Variants in CPNE4 observed in about 807,000 individuals in gnomAD.
CPNE4 encodes copine 4, also known as copine-4.
Under a neutral mutation model 67.9 loss-of-function variants are expected in CPNE4, and 25 were observed. The observed-to-expected ratio is 0.37, with a 90% confidence interval of 0.27 to 0.51. CPNE4 has a LOEUF of 0.51. CPNE4 is among the 20% of genes least tolerant of loss of function. The pLI, the probability that CPNE4 is intolerant of heterozygous loss-of-function variation, is 0.93. For missense variants in CPNE4, 464 were observed against 690.8 expected (o/e 0.67, Z 3.68); for synonymous variants, 242 against 244.9 (o/e 0.99, Z 0.11).
intron 7 of CPNE4, among the ~76,000 whole-genome samples, chr3:131,604,520 A>C (rs1682178758): frequency 6.6e-6 from 1 of 152,118 alleles, no homozygotes; most frequent in African/African-American, 2.4e-5. Context: ...ACCCACCCTT[A>C]GTCTGGGTGG....
intron 2 of CPNE4, among the ~76,000 whole-genome samples, chr3:131,872,222 A>T (rs921061644): frequency 2.0e-5 from 3 of 152,080 alleles, no homozygotes; most frequent in African/African-American, 7.2e-5. Flanking sequence ...ACAGAGAGAA[A>T]GAAGGAGAGA....
At chr3:131,687,737 A>G (rs1296127374) in intron 5 of CPNE4, among the ~76,000 whole-genome samples, 2 of 152,188 alleles carry the variant, frequency 1.3e-5, no homozygotes, top group Non-Finnish European at 1.5e-5. Flanking sequence ...CTTGATGTTA[A>G]GATATAAGGA....
At chr3:131,875,608 A>G (rs1428054916) in intron 2 of CPNE4, among the ~76,000 whole-genome samples, 1 of 150,296 alleles carries the variant, frequency 6.7e-6, no homozygotes, top group Non-Finnish European at 1.5e-5. Context: ...GCATGTTCTC[A>G]CTCATAGGTG....
chr3:131,839,858 C>T (rs2085705017), intron 2 of CPNE4, among the ~76,000 whole-genome samples: 1 of 152,122 alleles, frequency 6.6e-6, no homozygotes, highest in Non-Finnish European at 1.5e-5. Flanking sequence ...AATTCTATCA[C>T]CTGTTAAAGG....
chr3:131,792,052 TG>T (rs750033657), intron 2 of CPNE4, among the ~76,000 whole-genome samples: 3 of 152,136 alleles, frequency 2.0e-5, no homozygotes, highest in Non-Finnish European at 4.4e-5. Context: ...ATGTATTTCC[TG>T]GCAGAGAGGA....
chr3:131,841,763 AGCTGGGAGT>A (rs2085791987), intron 2 of CPNE4, among the ~76,000 whole-genome samples: 1 of 152,232 alleles, frequency 6.6e-6, no homozygotes, highest in Admixed American at 6.5e-5. Flanking sequence ...TGCCTGTTGC[AGCTGGGAGT>A]GCAGTTAGCA....
intron 1 of CPNE4, among the ~76,000 whole-genome samples, chr3:132,003,521 C>T (rs1300769651): frequency 6.6e-6 from 1 of 151,984 alleles, no homozygotes; most frequent in African/African-American, 2.4e-5. Context: ...ATGCCCTTGA[C>T]AGCTGAGGGC....
At chr3:131,955,110 T>A (rs1386222355) in intron 1 of CPNE4, among the ~76,000 whole-genome samples, 1 of 151,716 alleles carries the variant, frequency 6.6e-6, no homozygotes, top group Non-Finnish European at 1.5e-5. Flanking sequence ...CTTTTTCTTC[T>A]GTTGTTTTGT....
chr3:131,684,308 C>A (rs1361298538), intron 6 of CPNE4, among the ~76,000 whole-genome samples: 1 of 152,114 alleles, frequency 6.6e-6, no homozygotes, highest in African/African-American at 2.4e-5. Context: ...GGTGAAAGAC[C>A]TCTTTTGGTG....
chr3:131,885,978 G>C (rs1332246153), intron 2 of CPNE4, among the ~76,000 whole-genome samples: 1 of 152,198 alleles, frequency 6.6e-6, no homozygotes, highest in Non-Finnish European at 1.5e-5. Context: ...TTTTTGAAGA[G>C]AAATTCAAGC....
intron 7 of CPNE4, among the ~76,000 whole-genome samples, chr3:131,588,993 G>T (rs540264284): frequency 1.0e-3 from 152 of 152,206 alleles, no homozygotes; most frequent in Admixed American, 1.5e-3. Flanking sequence ...GTCTTCCAAG[G>T]TCTTTCATGA....
chr3:131,653,913 G>A (rs1293511154), intron 7 of CPNE4, among the ~76,000 whole-genome samples: 1 of 152,060 alleles, frequency 6.6e-6, no homozygotes, highest in Non-Finnish European at 1.5e-5. Flanking sequence ...TCAGACTAGG[G>A]GCTGTCTCCT....
intron 1 of CPNE4, among the ~76,000 whole-genome samples, chr3:132,015,769 C>A (rs1023682367): frequency 4.6e-5 from 7 of 152,204 alleles, no homozygotes; most frequent in Non-Finnish European, 2.9e-5. Flanking sequence ...ATGGAACAAT[C>A]ACAGAGAAAT....
At chr3:131,905,085 G>A (rs577159076) in intron 2 of CPNE4, among the ~76,000 whole-genome samples, 179 bp downstream of exon 2, 1 of 152,238 alleles carries the variant, frequency 6.6e-6, no homozygotes, top group South Asian at 2.1e-4. Flanking sequence ...AAGGGTAAAT[G>A]TCAAAATATC....
At chr3:131,621,943 G>A (rs1195366837) in intron 7 of CPNE4, among the ~76,000 whole-genome samples, 2 of 149,768 alleles carry the variant, frequency 1.3e-5, no homozygotes, top group African/African-American at 2.5e-5. Flanking sequence ...AGCCCCAGAG[G>A]TGGAGACTGC....
intron 3 of CPNE4, among the ~76,000 whole-genome samples, chr3:131,711,907 T>C (rs2081567462): frequency 5.9e-5 from 9 of 152,144 alleles, no homozygotes. Flanking sequence ...TCTTCTGTAA[T>C]CAAAAATAAT....
chr3:131,567,939 AG>A (rs1937139454), intron 10 of CPNE4, among the ~76,000 whole-genome samples: 1 of 152,028 alleles, frequency 6.6e-6, no homozygotes, highest in African/African-American at 2.4e-5. Context: ...CTTTTCAGTC[AG>A]GCCTCTAGGG....
At position 131,916,074 on chromosome 3, in the gene CPNE4, C is replaced by T. The variant is rs182749826; in HGVS notation, c.-1-10630G>A. 2.7e-4 allele frequency among the ~76,000 whole-genome samples: 41 copies of T among 152,264 alleles called. No individual in the cohort carries two copies. In the East Asian group the frequency reaches 7.9e-3, roughly 29 times the overall value. On this transcript the variant is annotated intron_variant, in intron 1 of 15. Transcript: ENST00000429747. ...ATAAATGACTATCTTCTTCCTGTCA[C>T]AGCCCCTCCTTTTCCCGGCATACCA... is the stretch of plus-strand genomic sequence containing the variant.
Position 131,575,253 on chromosome 3 carries a change from T to A in CPNE4, c.868-123A>T. ...CAGAGGAAAGGGCAGACAGACATCA[T>A]TGAAAAAAGATGGGTCAGTTAAGTT... On this transcript the variant is annotated intron_variant, in intron 9 of 15. Transcript: ENST00000429747. 3.9e-6 allele frequency: 3 copies of A among 763,104 alleles called. No homozygotes were observed. The South Asian group carries it at 4.9e-5, about 13-fold the overall frequency. The allele number at this position is 763,104 out of a possible 1,614,324, so 47.3% of individuals were successfully genotyped here.
Sources: allele counts gnomAD v4.1 joint callset (sites outside exome capture counted in the v4.1 genomes callset), GRCh38; gene constraint gnomAD v4.1.1; transcripts MANE v1.5; gene names NCBI Gene and HGNC (gene_info 2026-07-23, HGNC 2026-07-21).